Variants in LINGO2 observed in about 807,000 individuals in gnomAD.
LINGO2 encodes leucine-rich repeat and immunoglobulin-like domain-containing nogo receptor-interacting protein 2.
Under a neutral mutation model 30.6 loss-of-function variants are expected in LINGO2, and 14 were observed. The ratio of observed to expected loss-of-function variants is 0.46; its 90% CI spans 0.30 to 0.72. The LOEUF (loss-of-function observed/expected upper bound fraction) is 0.72. Ranked by LOEUF, LINGO2 falls within the 30% of genes least tolerant of loss-of-function variation. LINGO2 has a pLI of 0.07. For synonymous variants in LINGO2, 317 were observed against 288.5 expected (o/e 1.10, Z -1.00); for missense variants, 729 against 751.7 (o/e 0.97, Z 0.35).
intron 1 of LINGO2, among the ~76,000 whole-genome samples, chr9:28,532,245 T>C (rs141477095): frequency 1.8e-3 from 270 of 152,270 alleles, no homozygotes; most frequent in African/African-American, 6.3e-3. Flanking sequence ...GTTGAATAGA[T>C]TTCTCCTATA....
In LINGO2 at chr9:28,452,898, T is replaced by C. The variant is rs530042239; in HGVS notation, c.-279+23042A>G. Among the ~76,000 whole-genome samples the C allele has an allele frequency of 4.6e-5, 7 of 151,990 alleles. No homozygotes were observed. In the East Asian group the frequency reaches 1.4e-3, roughly 29 times the overall value. On this transcript the variant is annotated intron_variant, in intron 2 of 5. Transcript: ENST00000379992. ...CACTGAAAGAATAGGCACGAGATAG[T>C]CATAGTTCTTGTATATCTTGCTTAA...
At chr9:28,499,732 A>G (rs1819807789) in intron 1 of LINGO2, among the ~76,000 whole-genome samples, 2 of 152,188 alleles carry the variant, frequency 1.3e-5, no homozygotes, top group Admixed American at 6.5e-5. Context: ...GCATTCCTTC[A>G]TCTTATTCCC....
In LINGO2 at chr9:28,147,226, C is replaced by G. The variant is rs1053896315; in HGVS notation, c.-86-134821G>C. Among the ~76,000 whole-genome samples the G allele has an allele frequency of 3.9e-5, 6 of 152,184 alleles. No homozygotes were observed. The highest frequency in any genetic ancestry group is 1.2e-4 in the African/African-American group (5 of 41,444). The stretch of plus-strand genomic sequence containing the variant: ...GAAAAAATAAGAATAGATGTTGTAT[C>G]CATGATCATGAGGCACACAGGCCAG... On this transcript the variant is annotated intron_variant, in intron 4 of 5. Coordinates refer to ENST00000379992, the Ensembl canonical transcript of LINGO2. The surrounding 1 kb of genome is among the most constrained non-coding windows in gnomAD (Gnocchi z 4.7).
At chr9:27,976,523 G>A (rs1281558547) in intron 5 of LINGO2, among the ~76,000 whole-genome samples, 3 of 151,902 alleles carry the variant, frequency 2.0e-5, no homozygotes, top group Admixed American at 1.3e-4. Flanking sequence ...TTTTTTCTGT[G>A]TATCATAGCA....
chr9:28,842,849 T>A, the LINGO2 span, among the ~76,000 whole-genome samples: 1 of 151,952 alleles, frequency 6.6e-6, no homozygotes, highest in African/African-American at 2.4e-5. Flanking sequence ...ATTTGATTTA[T>A]GTTTATAAAG....
intron 5 of LINGO2, among the ~76,000 whole-genome samples, chr9:28,012,158 G>A (rs202139094): frequency 6.6e-6 from 1 of 152,076 alleles, no homozygotes; most frequent in Non-Finnish European, 1.5e-5. Flanking sequence ...TGCCTTCTCT[G>A]CTTTCTTTTT....
chr9:28,867,195 CT>C, the LINGO2 span, among the ~76,000 whole-genome samples: 1 of 152,014 alleles, frequency 6.6e-6, no homozygotes, highest in African/African-American at 2.4e-5. Flanking sequence ...AGAAGGAAGC[CT>C]GCATCCTTTC....
At chr9:28,678,104 T>C in the LINGO2 span, among the ~76,000 whole-genome samples, 633 of 151,364 alleles carry the variant, frequency 4.2e-3, 2 homozygotes, top group African/African-American at 0.014. Context: ...AATTGGATCA[T>C]GTCTTTCCAC....
intron 4 of LINGO2, among the ~76,000 whole-genome samples, chr9:28,209,402 T>C (rs1820516219): frequency 6.6e-6 from 1 of 151,950 alleles, no homozygotes; most frequent in Non-Finnish European, 1.5e-5. Flanking sequence ...TTAATTTCCC[T>C]TGGGAATTTC....
At chr9:29,150,661 A>C in the LINGO2 span, among the ~76,000 whole-genome samples, 1 of 152,196 alleles carries the variant, frequency 6.6e-6, no homozygotes, top group Non-Finnish European at 1.5e-5. Flanking sequence ...CCAAGCTGAG[A>C]AGAGAATCTC....
At chr9:28,896,580 T>C in the LINGO2 span, among the ~76,000 whole-genome samples, 1 of 152,048 alleles carries the variant, frequency 6.6e-6, no homozygotes. Context: ...TAGCTCTTTG[T>C]ACTCAAATGC....
At chr9:28,728,652 T>G in the LINGO2 span, among the ~76,000 whole-genome samples, 4 of 152,146 alleles carry the variant, frequency 2.6e-5, no homozygotes, top group Non-Finnish European at 5.9e-5. Context: ...CGCTCTCCCC[T>G]AAACCCACCA....
At chr9:28,051,569 G>A (rs1322584043) in intron 4 of LINGO2, among the ~76,000 whole-genome samples, 1 of 152,036 alleles carries the variant, frequency 6.6e-6, no homozygotes, top group Non-Finnish European at 1.5e-5. Flanking sequence ...CCTCTTAGAG[G>A]TGATTTCATC....
chr9:28,280,091 T>C (rs1162187095), intron 4 of LINGO2, among the ~76,000 whole-genome samples: 1 of 152,120 alleles, frequency 6.6e-6, no homozygotes, highest in African/African-American at 2.4e-5. Flanking sequence ...GAGAGAATGC[T>C]AAATGGAGTG....
chr9:28,370,668 A>T (rs895625709), intron 3 of LINGO2, among the ~76,000 whole-genome samples: 1 of 152,188 alleles, frequency 6.6e-6, no homozygotes, highest in African/African-American at 2.4e-5. Context: ...AATTTTAGCC[A>T]ACAGATTGGT....
chr9:28,399,381 A>G (rs760488464), intron 2 of LINGO2, among the ~76,000 whole-genome samples: 7 of 152,196 alleles, frequency 4.6e-5, no homozygotes, highest in Non-Finnish European at 1.0e-4. Context: ...GTGAAACTAA[A>G]AAGTATATAA....
At chr9:29,185,109 C>G in the LINGO2 span, among the ~76,000 whole-genome samples, 6 of 152,230 alleles carry the variant, frequency 3.9e-5, no homozygotes, top group East Asian at 1.2e-3. Flanking sequence ...CCATTACAGA[C>G]TGGTAAGGGC....
chr9:28,084,497 C>T (rs1350695987), intron 4 of LINGO2, among the ~76,000 whole-genome samples: 2 of 151,952 alleles, frequency 1.3e-5, no homozygotes, highest in African/African-American at 2.4e-5. Context: ...ACCTGGTATA[C>T]GCCAGGTACT....
chr9:28,004,834 G>A (rs192575952), intron 5 of LINGO2, among the ~76,000 whole-genome samples: 6 of 152,266 alleles, frequency 3.9e-5, no homozygotes, highest in Admixed American at 2.6e-4. Context: ...AGAAATGTTG[G>A]AGAATGCGGC....
Sources: gnomAD v4.1 joint callset for allele counts (sites outside exome capture counted in the v4.1 genomes callset) on GRCh38, gnomAD v4.1.1 for gene constraint, Gnocchi (gnomAD v3.1) non-coding constraint, MANE v1.5 for transcripts, NCBI Gene and HGNC (gene_info 2026-07-23, HGNC 2026-07-21) for gene names.